Variants in KLHL7 observed in about 807,000 individuals in gnomAD.
KLHL7 encodes kelch-like protein 7.
In KLHL7, 44 loss-of-function variants were observed where a neutral mutation model predicts 67.4. The ratio of observed to expected loss-of-function variants is 0.65; its 90% CI spans 0.51 to 0.84. The LOEUF (loss-of-function observed/expected upper bound fraction) is 0.84. KLHL7 is among the 40% of genes least tolerant of loss of function. The pLI is 0.00. For synonymous variants in KLHL7, 252 were observed against 243.3 expected, an observed-to-expected ratio of 1.04 and a Z score of -0.33; for missense variants, 362 against 718.1, an observed-to-expected ratio of 0.50 and a Z score of 5.67.
At chr7:23,107,397 A>C (rs1277664557) in intron 1 of KLHL7, among the ~76,000 whole-genome samples, 1 of 152,210 alleles carries the variant, frequency 6.6e-6, no homozygotes, top group Non-Finnish European at 1.5e-5. Flanking sequence ...TGGTAGTTGA[A>C]CATAGTTAAC....
intron 4 of KLHL7, among the ~76,000 whole-genome samples, chr7:23,136,844 A>T (rs1028511177): frequency 2.0e-5 from 3 of 152,256 alleles, no homozygotes; most frequent in Admixed American, 2.0e-4. Flanking sequence ...TTTGGAATAT[A>T]ACCAAAGTAT....
In KLHL7 at chr7:23,177,652, T is replaced by C. The variant is rs1785318272; in HGVS notation, c.*3354T>C. The C allele has an allele frequency of 6.6e-6, 1 of 152,228 alleles. No homozygotes were observed. Among genetic ancestry groups the C allele is most frequent in the Admixed American group, 6.5e-5 (1 of 15,282 alleles). The allele number at this position is 152,228 out of a possible 1,614,324, so 9.4% of individuals were successfully genotyped here. A position where few individuals can be genotyped will look rare whatever the true frequency, so the allele number is the denominator to read the frequency against. ...GTAGACATTTGATAAGTTAATGTTA[T>C]ATCCTTTGCAATGATATTATTTTGA... On this transcript the variant is annotated 3_prime_UTR_variant, in exon 11 of 11. Transcript: ENST00000339077.
chr7:23,133,677 G>A (rs556518465), intron 4 of KLHL7, among the ~76,000 whole-genome samples: 6 of 151,962 alleles, frequency 3.9e-5, no homozygotes, highest in African/African-American at 1.5e-4. Flanking sequence ...CAGGCGATCC[G>A]CCCGCCTCAG....
intron 7 of KLHL7, among the ~76,000 whole-genome samples, chr7:23,152,585 G>T (rs1468450633): frequency 2.0e-5 from 3 of 151,900 alleles, no homozygotes; most frequent in Non-Finnish European, 2.9e-5. Context: ...ATTTTAATAT[G>T]AAATAACACA....
chr7:23,143,420 A>C (rs2128464919), intron 5 of KLHL7, among the ~76,000 whole-genome samples: 1 of 152,304 alleles, frequency 6.6e-6, no homozygotes, highest in East Asian at 1.9e-4. Flanking sequence ...ATAATATTGA[A>C]ATAAAATCAT....
chr7:23,135,808 A>AT (rs1240437394), intron 4 of KLHL7, among the ~76,000 whole-genome samples: 3 of 152,236 alleles, frequency 2.0e-5, no homozygotes, highest in Non-Finnish European at 4.4e-5. Context: ...GAATATCAAT[A>AT]TAAAAGAATT....
Position 23,152,060 on chromosome 7 carries a change from AC to A in KLHL7, c.794-6del, listed in dbSNP as rs749943885. The A allele has an allele frequency of 6.2e-7, 1 of 1,613,724 alleles. No homozygotes were observed. The highest frequency in any genetic ancestry group is 8.5e-7 in the Non-Finnish European group (1 of 1,179,690). ...TTCTTGAAGCGTTGCCATGTATTTT[AC>A]TACAGGTGGAATGAGGTACCATCTA... On this transcript the variant is annotated splice_polypyrimidine_tract_variant and splice_region_variant and intron_variant, in intron 6 of 10. Transcript: ENST00000339077.
intron 4 of KLHL7, among the ~76,000 whole-genome samples, chr7:23,133,499 T>G (rs1184619925): frequency 6.6e-6 from 1 of 152,142 alleles, no homozygotes; most frequent in African/African-American, 2.4e-5. Flanking sequence ...TGGTGTGACC[T>G]TGGCTCACTG....
rs574485587 is a variant in KLHL7, at chr7:23,138,888, C to G, written c.443-1881C>G. 1.7e-3 allele frequency among the ~76,000 whole-genome samples: 261 copies of G among 152,138 alleles called. 1 individual carries two copies. The highest frequency in any genetic ancestry group is 2.9e-3 in the Non-Finnish European group (198 of 67,996). On this transcript the variant is annotated intron_variant, in intron 4 of 10. Transcript: ENST00000339077. ...GGCTTTGTGGGTTAATTCTATCAACCTTTCAAAGAATAGATTAATTCTTAC... is the reference window on the plus strand; with the variant it reads ...GGCTTTGTGGGTTAATTCTATCAACGTTTCAAAGAATAGATTAATTCTTAC...
At chr7:23,135,984 G>A (rs1044325214) in intron 4 of KLHL7, among the ~76,000 whole-genome samples, 3 of 152,198 alleles carry the variant, frequency 2.0e-5, no homozygotes, top group African/African-American at 2.4e-5. Context: ...ATTAGCAAAT[G>A]TGAAGTTAGC....
chr7:23,124,923 A>G, intron 3 of KLHL7, 125 bp from the exon 4 acceptor site: 1 of 1,098,636 alleles, frequency 9.1e-7, no homozygotes, highest in Non-Finnish European at 1.4e-6. Context: ...CCTATGCCAT[A>G]CTAATTCAAG....
intron 4 of KLHL7, among the ~76,000 whole-genome samples, chr7:23,131,618 A>C (rs2128462160): frequency 6.6e-6 from 1 of 152,176 alleles, no homozygotes; most frequent in African/African-American, 2.4e-5. Flanking sequence ...CCCCTCAAGG[A>C]TTTATCCTTT....
chr7:23,139,055 A>G (rs896411239), intron 4 of KLHL7, among the ~76,000 whole-genome samples: 10 of 149,282 alleles, frequency 6.7e-5, no homozygotes, highest in African/African-American at 2.5e-4. Flanking sequence ...CACATATAAC[A>G]TTTTAGTTTC....
chr7:23,138,724 G>C (rs893650125), intron 4 of KLHL7, among the ~76,000 whole-genome samples: 6 of 151,704 alleles, frequency 4.0e-5, no homozygotes, highest in Non-Finnish European at 8.8e-5. Context: ...TTTTAGTAGA[G>C]ATGGGGTTTT....
rs1167492487 is a variant in KLHL7, at chr7:23,175,002, T to C, written c.*704T>C. 6.7e-6 allele frequency: 3 copies of C among 448,574 alleles called. No homozygotes were observed. In the Admixed American group the frequency reaches 7.2e-5, roughly 11 times the overall value. 27.8% of individuals were successfully genotyped at this position (448,574 alleles called of 1,614,324 possible). On this transcript the variant is annotated 3_prime_UTR_variant, in exon 11 of 11. Transcript: ENST00000339077. ...TTTATGTCTCTGTTTTATCCAGTGGTTAAAAAAGGATTCTGCCTCTTTAGT... is the reference window on the plus strand; with the variant it reads ...TTTATGTCTCTGTTTTATCCAGTGGCTAAAAAAGGATTCTGCCTCTTTAGT...
chr7:23,128,225 G>A (rs556659667), intron 4 of KLHL7, among the ~76,000 whole-genome samples: 2 of 151,040 alleles, frequency 1.3e-5, no homozygotes, highest in South Asian at 2.1e-4. Flanking sequence ...AAATAGAATC[G>A]ATACTCTTAA....
chr7:23,133,383 T>C (rs1783867619), intron 4 of KLHL7, among the ~76,000 whole-genome samples: 1 of 152,060 alleles, frequency 6.6e-6, no homozygotes, highest in African/African-American at 2.4e-5. Flanking sequence ...TAGTTATTTA[T>C]GTATGTGTGG....
chr7:23,173,930 G>T, intron 10 of KLHL7, 85 bp from the exon 11 acceptor site: 1 of 1,384,432 alleles, frequency 7.2e-7, no homozygotes, highest in Non-Finnish European at 1.0e-6. Context: ...TAAAATATTG[G>T]AAAAATACAA....
At chr7:23,149,939 T>C (rs1469880779) in intron 6 of KLHL7, among the ~76,000 whole-genome samples, 1 of 152,224 alleles carries the variant, frequency 6.6e-6, no homozygotes, top group East Asian at 1.9e-4. Flanking sequence ...TGAGTTTTCT[T>C]TCTCTATCCT....
Sources: allele counts gnomAD v4.1 joint callset (sites outside exome capture counted in the v4.1 genomes callset), GRCh38; gene constraint gnomAD v4.1.1; transcripts MANE v1.5; gene names NCBI Gene and HGNC (gene_info 2026-07-23, HGNC 2026-07-21).